TRAK1: variants seen among roughly 807,000 people sequenced by gnomAD.
The protein encoded by TRAK1 is trafficking kinesin protein 1.
In TRAK1, 33 loss-of-function variants were observed where a neutral mutation model predicts 92.1. The ratio of observed to expected loss-of-function variants is 0.36; its 90% CI spans 0.27 to 0.48. The LOEUF (loss-of-function observed/expected upper bound fraction) is 0.48, where lower values mean the gene tolerates loss of function less well. Among genes scored for constraint, TRAK1 ranks in the 20% least tolerant of loss-of-function variants. The probability of loss-of-function intolerance (pLI) is 0.99; values close to 1 mark genes in which losing one functional copy is unlikely to be tolerated. For synonymous variants in TRAK1, 521 were observed against 517.3 expected, an observed-to-expected ratio of 1.01 and a Z score of -0.10; for missense variants, 1,123 against 1,257.9, an observed-to-expected ratio of 0.89 and a Z score of 1.62.
intron 2 of TRAK1, among the ~76,000 whole-genome samples, chr3:42,174,575 A>T (rs1423795703): frequency 2.0e-5 from 3 of 151,044 alleles, no homozygotes; most frequent in Non-Finnish European, 4.4e-5. Context: ...GGTTCAAGTG[A>T]TTCTCCTGCC....
chr3:42,018,789 T>A (rs1025424832), intron 1 of TRAK1, among the ~76,000 whole-genome samples: 2 of 152,236 alleles, frequency 1.3e-5, no homozygotes, highest in African/African-American at 4.8e-5. Flanking sequence ...GCAAATCCTA[T>A]CTTCCGTTAC....
chr3:42,211,008 C>T (rs1168464312), intron 14 of TRAK1: 6 of 985,344 alleles, frequency 6.1e-6, no homozygotes, highest in Non-Finnish European at 7.2e-6. Flanking sequence ...CTGGACCTCC[C>T]AGCCCCTTGT....
chr3:42,216,099 A>G (rs1377290377), intron 14 of TRAK1, among the ~76,000 whole-genome samples: 7 of 152,174 alleles, frequency 4.6e-5, no homozygotes, highest in South Asian at 4.1e-4. Context: ...CAGAGTTCCA[A>G]TCATCCTGCA....
At chr3:42,183,553 T>TAAAAAAAAAAAAAAAAAAAAA (rs11293523) in intron 3 of TRAK1, among the ~76,000 whole-genome samples, 47 of 117,322 alleles carry the variant, frequency 4.0e-4, no homozygotes, top group African/African-American at 1.4e-3. Flanking sequence ...AGACTCTGTC[T>TAAAAAAAAAAAAAAAAAAAAA]AAAAAAAAAA....
intron 2 of TRAK1, among the ~76,000 whole-genome samples, chr3:42,143,311 T>C (rs888279534): frequency 1.3e-5 from 2 of 151,600 alleles, no homozygotes; most frequent in African/African-American, 4.8e-5. Context: ...ACCTCTTCTT[T>C]TTTTTTTTTT....
At chr3:42,101,030 C>T (rs1351889354) in intron 1 of TRAK1, among the ~76,000 whole-genome samples, 1 of 152,230 alleles carries the variant, frequency 6.6e-6, no homozygotes, top group Non-Finnish European at 1.5e-5. Flanking sequence ...GTGCTAACAG[C>T]CTCCAAATCC....
chr3:42,115,104 G>A (rs1323544380), intron 1 of TRAK1, among the ~76,000 whole-genome samples: 4 of 152,198 alleles, frequency 2.6e-5, no homozygotes, highest in Admixed American at 2.6e-4. Context: ...CAAATCGACA[G>A]TAATAGTCTA....
Position 42,200,934 on chromosome 3 carries a change from C to G in TRAK1, c.1307C>G (p.Ser436Cys). 6.2e-7 allele frequency: 1 copy of G among 1,614,198 alleles called. No individual in the cohort carries two copies. Among genetic ancestry groups the G allele is most frequent in the Non-Finnish European group, 8.5e-7 (1 of 1,180,038 alleles). Reference protein sequence around the residue: ...PGSNQSSAMNSLLSSCVSTPR... With the variant: ...PGSNQSSAMNCLLSSCVSTPR... ...TCCAACCAGTCCTCGGCCATGAACTCCCTCCTGTCCAGCTGCGTCAGCACC... is the reference window on the plus strand; with the variant it reads ...TCCAACCAGTCCTCGGCCATGAACTGCCTCCTGTCCAGCTGCGTCAGCACC... The change falls in exon 12 of 16, where the codon TCC becomes TGC. Residue 436 changes from serine (S) to cysteine (C), a missense_variant. Coordinates refer to ENST00000327628, the MANE Select transcript of TRAK1 (RefSeq NM_001042646.3).
intron 1 of TRAK1, among the ~76,000 whole-genome samples, chr3:42,046,381 G>T (rs1702751787): frequency 1.3e-5 from 2 of 151,766 alleles, no homozygotes; most frequent in South Asian, 2.1e-4. Context: ...CACCGTTCAG[G>T]AACTCCTAAG....
At chr3:42,136,484 C>T (rs1697966441) in intron 2 of TRAK1, among the ~76,000 whole-genome samples, 2 of 151,800 alleles carry the variant, frequency 1.3e-5, no homozygotes, top group South Asian at 4.2e-4. Context: ...TAAAAATTAC[C>T]CAGGCGGTGC....
chr3:42,218,327 G>T (rs1709936882), intron 14 of TRAK1: 3 of 985,178 alleles, frequency 3.0e-6, no homozygotes, highest in South Asian at 9.4e-5. Context: ...GGAGCTAGAA[G>T]ATTCTAGTTC....
intron 1 of TRAK1, among the ~76,000 whole-genome samples, chr3:42,114,181 A>G (rs1189868503): frequency 6.6e-6 from 1 of 152,106 alleles, no homozygotes; most frequent in East Asian, 1.9e-4. Context: ...ACTGTGGCTG[A>G]ATAATACTTC....
At chr3:42,092,704 T>TTA (rs1482949749) in intron 1 of TRAK1, among the ~76,000 whole-genome samples, 3 of 133,332 alleles carry the variant, frequency 2.3e-5, no homozygotes, top group African/African-American at 8.0e-5. Flanking sequence ...TTGTGTTGTG[T>TTA]TGTGTTGTGT....
chr3:42,143,115 C>T (rs1379357298), intron 2 of TRAK1, among the ~76,000 whole-genome samples: 1 of 152,058 alleles, frequency 6.6e-6, no homozygotes, highest in Non-Finnish European at 1.5e-5. Flanking sequence ...CCTTGTTGAG[C>T]CACTTGTGTG....
upstream of TRAK1, among the ~76,000 whole-genome samples, chr3:42,083,152 G>T (rs1459316697): frequency 6.6e-6 from 1 of 152,144 alleles, no homozygotes; most frequent in African/African-American, 2.4e-5. Flanking sequence ...TAAATCACTT[G>T]TGAACTTGAG....
At chr3:42,143,156 T>C (rs1698884750) in intron 2 of TRAK1, among the ~76,000 whole-genome samples, 2 of 152,202 alleles carry the variant, frequency 1.3e-5, no homozygotes, top group South Asian at 4.1e-4. Flanking sequence ...TTTGTTTGTT[T>C]GTTTTTAATA....
chr3:42,108,058 T>C (rs982006730), intron 1 of TRAK1, among the ~76,000 whole-genome samples: 7 of 152,152 alleles, frequency 4.6e-5, no homozygotes, highest in Admixed American at 2.0e-4. Context: ...TGGCCAACAC[T>C]TAGCCTTGTA....
At chr3:42,130,752 C>G (rs569050066) in intron 2 of TRAK1, among the ~76,000 whole-genome samples, 34 of 152,112 alleles carry the variant, frequency 2.2e-4, no homozygotes, top group Non-Finnish European at 4.9e-4. Context: ...ACCAGCTCCC[C>G]TTGCCATTTT....
At position 42,223,471 on chromosome 3, in the gene TRAK1, T is replaced by G. The variant is rs1172412180; in HGVS notation, c.2596T>G (p.Leu866Val). The G allele has an allele frequency of 1.9e-6, 3 of 1,613,744 alleles. No homozygotes were observed. The African/African-American group carries it at 4.0e-5, about 22-fold the overall frequency. ...CTCAGGGCGAGCCCATGTCCCCACC[T>G]TGACTGAGGAGCAGGGACCCCTCCT... is the stretch of plus-strand genomic sequence containing the variant. ...VNSGRAHVPT[L>V]TEEQGPLLCG... Residue 866 changes from leucine to valine, a missense_variant, in exon 16 of 16, where the codon TTG becomes GTG. Physicochemically the swap from Leu to Val is conservative, Grantham distance 32. Transcript: ENST00000327628. This position sits in a 1 kb window ranked among gnomAD's most constrained non-coding sequence, Gnocchi z 6.1.
Sources: gnomAD v4.1 joint callset for allele counts (sites outside exome capture counted in the v4.1 genomes callset) on GRCh38, gnomAD v4.1.1 for gene constraint, Gnocchi (gnomAD v3.1) non-coding constraint, MANE v1.5 for transcripts, NCBI Gene and HGNC (gene_info 2026-07-23, HGNC 2026-07-21) for gene names.